Variants in NBAS observed in about 807,000 individuals in gnomAD.
The protein encoded by NBAS is NAG/BC035112 fusion.
In NBAS, 219 loss-of-function variants were observed where a neutral mutation model predicts 302.5. The observed-to-expected ratio is 0.72, with a 90% CI of 0.65 to 0.81. The LOEUF (loss-of-function observed/expected upper bound fraction) is 0.81. Ranked by LOEUF, NBAS falls within the 30% of genes least tolerant of loss-of-function variation. The probability of loss-of-function intolerance (pLI) is 0.00; values close to 1 mark genes in which losing one functional copy is unlikely to be tolerated. For missense variants in NBAS, 2,932 were observed against 2,841.6 expected, an observed-to-expected ratio of 1.03 and a Z score of -0.72; for synonymous variants, 1,118 against 1,021.6, an observed-to-expected ratio of 1.09 and a Z score of -1.80.
At chr2:14,806,117 CCT>C in the NBAS span, among the ~76,000 whole-genome samples, 1 of 152,084 alleles carries the variant, frequency 6.6e-6, no homozygotes, top group African/African-American at 2.4e-5. Flanking sequence ...ATGGGTTTCC[CCT>C]GAGTTTCTAA....
intron 48 of NBAS, among the ~76,000 whole-genome samples, chr2:15,201,261 T>C (rs910976404): frequency 6.6e-5 from 10 of 152,226 alleles, no homozygotes; most frequent in Non-Finnish European, 7.3e-5. Flanking sequence ...TGTCGTTGTA[T>C]GCAAGGCTTC....
chr2:14,980,193 G>A, the NBAS span, among the ~76,000 whole-genome samples: 5 of 152,044 alleles, frequency 3.3e-5, no homozygotes. Flanking sequence ...GGATGTACAC[G>A]AGAGACCCAA....
the NBAS span, among the ~76,000 whole-genome samples, chr2:14,787,674 T>A: frequency 6.6e-6 from 1 of 152,180 alleles, no homozygotes; most frequent in Non-Finnish European, 1.5e-5. Flanking sequence ...GCTTGTAGAG[T>A]TTCTGCCAAG....
chr2:15,429,655 C>T (rs111758675), intron 21 of NBAS, among the ~76,000 whole-genome samples: 46 of 152,082 alleles, frequency 3.0e-4, no homozygotes, highest in Admixed American at 3.3e-4. Flanking sequence ...AGTCAAGGTT[C>T]CCCTCTAGAT....
At chr2:15,485,965 A>T (rs184441505) in intron 12 of NBAS, among the ~76,000 whole-genome samples, 68 of 152,300 alleles carry the variant, frequency 4.5e-4, no homozygotes, top group African/African-American at 1.6e-3. Context: ...TTGGGACCAA[A>T]ACTTCCTTTG....
At chr2:15,525,256 C>T (rs567514177) in intron 9 of NBAS, among the ~76,000 whole-genome samples, 41 of 152,332 alleles carry the variant, frequency 2.7e-4, no homozygotes, top group African/African-American at 9.4e-4. Context: ...TCCCACAACG[C>T]CTGCTGTTAA....
At chr2:15,303,141 TA>T (rs1276550805) in intron 40 of NBAS, among the ~76,000 whole-genome samples, 1 of 152,198 alleles carries the variant, frequency 6.6e-6, no homozygotes, top group Non-Finnish European at 1.5e-5. Context: ...TACTGCTTAA[TA>T]AACTCTCCTT....
the NBAS span, among the ~76,000 whole-genome samples, chr2:15,131,858 C>T: frequency 8.5e-5 from 13 of 152,260 alleles, no homozygotes; most frequent in South Asian, 2.7e-3. Flanking sequence ...GCAGGCACAT[C>T]ACACAGGGAG....
chr2:14,785,477 AT>A, the NBAS span, among the ~76,000 whole-genome samples: 1 of 152,114 alleles, frequency 6.6e-6, no homozygotes, highest in Non-Finnish European at 1.5e-5. Flanking sequence ...AGCTCTTATT[AT>A]TTTGAGATAT....
At chr2:15,486,449 G>A (rs528683481) in intron 12 of NBAS, among the ~76,000 whole-genome samples, 3 of 152,244 alleles carry the variant, frequency 2.0e-5, no homozygotes. Flanking sequence ...GACTGTTTCA[G>A]GAACATGGAA....
At chr2:15,247,753 T>C (rs1464698492) in intron 44 of NBAS, among the ~76,000 whole-genome samples, 2 of 151,404 alleles carry the variant, frequency 1.3e-5, no homozygotes, top group Non-Finnish European at 2.9e-5. Context: ...TATATTTATA[T>C]AGATATAAAA....
intron 27 of NBAS, among the ~76,000 whole-genome samples, chr2:15,395,470 C>T (rs1675824290): frequency 6.6e-6 from 1 of 152,064 alleles, no homozygotes; most frequent in Non-Finnish European, 1.5e-5. Flanking sequence ...AACTGTATAA[C>T]TTTCAGAACA....
chr2:15,269,629 A>G (rs574700743), intron 44 of NBAS, among the ~76,000 whole-genome samples: 40 of 152,306 alleles, frequency 2.6e-4, no homozygotes, highest in African/African-American at 6.3e-4. Flanking sequence ...AATGAATGAG[A>G]TTTTTTAAAA....
the NBAS span, among the ~76,000 whole-genome samples, chr2:14,783,950 G>A: frequency 6.6e-6 from 1 of 151,842 alleles, no homozygotes; most frequent in African/African-American, 2.4e-5. Flanking sequence ...GTGTAAAAGT[G>A]TTCCTATTTC....
chr2:15,056,654 C>T, the NBAS span, among the ~76,000 whole-genome samples: 5 of 152,126 alleles, frequency 3.3e-5, no homozygotes, highest in Non-Finnish European at 7.3e-5. Context: ...TTGGCAAAGG[C>T]TGGCTGTGTC....
At chr2:15,497,530 C>A (rs1295195028) in intron 11 of NBAS, among the ~76,000 whole-genome samples, 1 of 152,088 alleles carries the variant, frequency 6.6e-6, no homozygotes, top group African/African-American at 2.4e-5. Context: ...CTGAGGCAAT[C>A]AAGTCTAAGG....
intron 40 of NBAS, among the ~76,000 whole-genome samples, chr2:15,298,935 C>A (rs1305187046): frequency 6.6e-6 from 1 of 152,162 alleles, no homozygotes. Context: ...ACCTGGCTTC[C>A]CACCCGCTTG....
the NBAS span, among the ~76,000 whole-genome samples, chr2:15,038,004 A>T: frequency 6.6e-6 from 1 of 151,938 alleles, no homozygotes; most frequent in Non-Finnish European, 1.5e-5. Flanking sequence ...ACTTCACAAA[A>T]TACAAGTATT....
At chr2:15,252,354 C>T (rs1668402293) in intron 44 of NBAS, among the ~76,000 whole-genome samples, 1 of 152,030 alleles carries the variant, frequency 6.6e-6, no homozygotes, top group African/African-American at 2.4e-5. Context: ...CAAAATTAGC[C>T]GGGCGTGGTG....
Sources: allele counts gnomAD v4.1 joint callset (sites outside exome capture counted in the v4.1 genomes callset), GRCh38; gene constraint gnomAD v4.1.1; transcripts MANE v1.5; gene names NCBI Gene and HGNC (gene_info 2026-07-23, HGNC 2026-07-21).